Variants in SLC5A11 observed in about 807,000 individuals in gnomAD.
The protein encoded by SLC5A11 is sodium/myo-inositol cotransporter 2.
In SLC5A11, 48 loss-of-function variants were observed where a neutral mutation model predicts 69.8. The observed-to-expected ratio is 0.69, with a 90% CI of 0.55 to 0.87. The LOEUF (loss-of-function observed/expected upper bound fraction) is 0.87. Among genes scored for constraint, SLC5A11 ranks in the 40% least tolerant of loss-of-function variants. The pLI, the probability that SLC5A11 is intolerant of heterozygous loss-of-function variation, is 0.00. For synonymous variants in SLC5A11, 319 were observed against 342.4 expected, an observed-to-expected ratio of 0.93 and a Z score of 0.75; for missense variants, 784 against 866.1, an observed-to-expected ratio of 0.91 and a Z score of 1.19.
intron 14 of SLC5A11, among the ~76,000 whole-genome samples, chr16:24,909,596 A>T (rs113480631): frequency 3.7e-4 from 51 of 139,096 alleles, no homozygotes; most frequent in African/African-American, 1.4e-3. Flanking sequence ...AGCTATGACC[A>T]TGCCACTGCA....
At chr16:24,901,957 C>CGT (rs1567685062) in intron 10 of SLC5A11, among the ~76,000 whole-genome samples, 2 of 80,772 alleles carry the variant, frequency 2.5e-5, no homozygotes, top group African/African-American at 1.2e-4. Context: ...CACACACACA[C>CGT]GCACACACAC....
chr16:24,892,587 G>A (rs113588527), intron 9 of SLC5A11, among the ~76,000 whole-genome samples: 2,703 of 152,098 alleles, frequency 0.018, 100 homozygotes, highest in African/African-American at 0.061. Context: ...AATGAGAGCC[G>A]ATTTACTGCA....
chr16:24,849,572 C>CAAAAAAAAAAAAAAAAAAAAAAAAA (rs1182615959), intron 1 of SLC5A11, among the ~76,000 whole-genome samples: 1 of 38,482 alleles, frequency 2.6e-5, no homozygotes, highest in African/African-American at 1.2e-4. Context: ...GCCTTGGGGG[C>CAAAAAAAAAAAAAAAAAAAAAAAAA]AAAAAAAAAA....
chr16:24,902,128 A>G (rs1350462563), intron 10 of SLC5A11, among the ~76,000 whole-genome samples: 1 of 152,124 alleles, frequency 6.6e-6, no homozygotes, highest in African/African-American at 2.4e-5. Context: ...GAGTAAAAAC[A>G]TAAATAATTT....
At chr16:24,910,263 C>T in intron 14 of SLC5A11, 43 bp from the exon 16 acceptor site, 1 of 1,600,592 alleles carries the variant, frequency 6.2e-7, no homozygotes, top group Non-Finnish European at 8.5e-7. Context: ...CAACCCCGGC[C>T]CCACCTCCAC....
intron 2 of SLC5A11, chr16:24,862,029 CA>C (rs2046602718): frequency 1.3e-5 from 2 of 152,166 alleles, no homozygotes; most frequent in African/African-American, 4.8e-5. Context: ...CACCAGACAC[CA>C]AACCTCTCGG....
At chr16:24,870,081 A>G in intron 4 of SLC5A11, 76 bp downstream of exon 5, 1 of 1,050,542 alleles carries the variant, frequency 9.5e-7, no homozygotes, top group Non-Finnish European at 1.5e-6. Flanking sequence ...AGTTGTGTGA[A>G]TGCCCTGCAC....
chr16:24,859,551 T>C (rs776728926), intron 2 of SLC5A11, among the ~76,000 whole-genome samples: 1 of 152,176 alleles, frequency 6.6e-6, no homozygotes, highest in African/African-American at 2.4e-5. Flanking sequence ...AGGTAACCAA[T>C]ATTATTAGCT....
intron 8 of SLC5A11, among the ~76,000 whole-genome samples, chr16:24,889,261 T>C (rs1453043600): frequency 6.6e-6 from 1 of 152,152 alleles, no homozygotes. Flanking sequence ...GGCAGGAGAA[T>C]TGCTTGAGCC....
intron 10 of SLC5A11, among the ~76,000 whole-genome samples, chr16:24,904,825 G>A (rs1293742956): frequency 1.3e-5 from 2 of 152,100 alleles, no homozygotes; most frequent in Admixed American, 1.3e-4. Flanking sequence ...AGAACGTGCA[G>A]CTTTGTTACA....
exon 8 of SLC5A11, chr16:24,884,112 G>T (rs759987745): frequency 6.2e-7 from 1 of 1,614,026 alleles, no homozygotes. Flanking sequence ...TTATAGGAGC[G>T]CTCACCTTGA....
At chr16:24,887,689 A>T (rs2048479238) in intron 8 of SLC5A11, among the ~76,000 whole-genome samples, 1 of 152,218 alleles carries the variant, frequency 6.6e-6, no homozygotes, top group Non-Finnish European at 1.5e-5. Flanking sequence ...AAGGCTTCTT[A>T]TAAGCAGTTA....
At chr16:24,876,658 G>C (rs1275716570) in intron 6 of SLC5A11, among the ~76,000 whole-genome samples, 1 of 152,166 alleles carries the variant, frequency 6.6e-6, no homozygotes, top group African/African-American at 2.4e-5. Flanking sequence ...GACAACACAG[G>C]CTCCTTTCTA....
At chr16:24,909,599 C>CCA (rs1262474648) in intron 14 of SLC5A11, among the ~76,000 whole-genome samples, 1 of 140,130 alleles carries the variant, frequency 7.1e-6, no homozygotes, top group African/African-American at 2.8e-5. Context: ...TATGACCATG[C>CCA]CACTGCACTT....
chr16:24,848,345 A>G (rs1353384348), intron 1 of SLC5A11, among the ~76,000 whole-genome samples: 6 of 150,742 alleles, frequency 4.0e-5, no homozygotes. Context: ...GAGGTGGCTC[A>G]TGCCTGCAAC....
chr16:24,856,764 C>A (rs541831044), intron 1 of SLC5A11, among the ~76,000 whole-genome samples: 2 of 150,338 alleles, frequency 1.3e-5, no homozygotes, highest in South Asian at 4.2e-4. Context: ...GAGTGAGACT[C>A]CATCTCAAAA....
intron 9 of SLC5A11, among the ~76,000 whole-genome samples, chr16:24,896,918 A>G (rs936255328): frequency 2.0e-5 from 3 of 146,552 alleles, no homozygotes; most frequent in African/African-American, 7.7e-5. Context: ...CGAAGGAGGC[A>G]CCAGGAGTTA....
At chr16:24,858,928 T>C in intron 2 of SLC5A11, 150 bp downstream of exon 3, 2 of 987,822 alleles carry the variant, frequency 2.0e-6, no homozygotes, top group South Asian at 5.2e-5. Context: ...AACTTAAAAA[T>C]TTTAAACATG....
At chr16:24,910,677 G>A (rs916375023) in intron 15 of SLC5A11, among the ~76,000 whole-genome samples, 200 bp downstream of exon 16, 12 of 151,926 alleles carry the variant, frequency 7.9e-5, no homozygotes, top group East Asian at 7.7e-4. Context: ...AGCTTCCTAC[G>A]GGCACTAACA....
Sources: gnomAD v4.1 joint callset for allele counts (sites outside exome capture counted in the v4.1 genomes callset) on GRCh38, gnomAD v4.1.1 for gene constraint, MANE v1.5 for transcripts, NCBI Gene and HGNC (gene_info 2026-07-23, HGNC 2026-07-21) for gene names.